Variants in FNIP2 observed in about 807,000 individuals in gnomAD.
FNIP2 encodes the protein folliculin interacting protein 2, also known as folliculin-interacting protein 2.
FNIP2 carries 32 observed loss-of-function variants against 108.7 expected under a neutral mutation model. That is an observed-to-expected ratio of 0.29 (90% confidence interval 0.22 to 0.40). The LOEUF (loss-of-function observed/expected upper bound fraction) is 0.40. FNIP2 is among the 10% of genes least tolerant of loss of function. The pLI is 1.00. For synonymous variants in FNIP2, 480 were observed against 496.7 expected (o/e 0.97, Z 0.45); for missense variants, 1,202 against 1,381.6 (o/e 0.87, Z 2.06).
intron 1 of FNIP2, among the ~76,000 whole-genome samples, chr4:158,817,871 G>A (rs958064672): frequency 6.6e-6 from 1 of 152,190 alleles, no homozygotes; most frequent in Admixed American, 6.5e-5. Flanking sequence ...TAGAGGAGGA[G>A]ACACTGGATT....
intron 1 of FNIP2, among the ~76,000 whole-genome samples, chr4:158,819,843 C>G (rs1777780772): frequency 6.6e-6 from 1 of 152,110 alleles, no homozygotes; most frequent in Admixed American, 6.6e-5. Flanking sequence ...TTGAGCAAAC[C>G]TTTTGAGAGA....
intron 14 of FNIP2, among the ~76,000 whole-genome samples, chr4:158,883,028 C>T (rs1781777839): frequency 6.6e-6 from 1 of 150,900 alleles, no homozygotes; most frequent in Non-Finnish European, 1.5e-5. Flanking sequence ...TTATATATTA[C>T]TCATTTATTA....
chr4:158,831,774 C>G lies in FNIP2; in HGVS notation c.382-87C>G, dbSNP rs1578881822. Reference sequence around the variant, plus strand: ...GAGAAATAGTTTTAATCACCGATGACACTAACGAGATTAATAAACATTATT... The same window carrying G: ...GAGAAATAGTTTTAATCACCGATGAGACTAACGAGATTAATAAACATTATT... On this transcript the variant is annotated intron_variant, in intron 3 of 16. Coordinates refer to ENST00000264433, the MANE Select transcript of FNIP2 (RefSeq NM_020840.3). The G allele has an allele frequency of 3.0e-5, 25 of 828,572 alleles. No individual in the cohort carries two copies. The East Asian group carries it at 5.3e-4, about 18-fold the overall frequency. 51.3% of individuals were successfully genotyped at this position (828,572 alleles called of 1,614,324 possible). A position where few individuals can be genotyped will look rare whatever the true frequency, so the allele number is the denominator to read the frequency against.
intron 7 of FNIP2, among the ~76,000 whole-genome samples, chr4:158,845,050 G>A (rs1410368726): frequency 2.6e-5 from 4 of 152,134 alleles, no homozygotes; most frequent in South Asian, 2.1e-4. Flanking sequence ...TCTGGTGATG[G>A]GACTAGTGTT....
At chr4:158,855,997 T>C (rs1284968890) in intron 8 of FNIP2, among the ~76,000 whole-genome samples, 1 of 152,194 alleles carries the variant, frequency 6.6e-6, no homozygotes, top group African/African-American at 2.4e-5. Context: ...TAAAATAGAA[T>C]GAATGTTTTC....
chr4:158,868,683 T>G lies in FNIP2; in HGVS notation c.2047T>G (p.Cys683Gly). 1 of 1,614,038 alleles carries G rather than the reference T, an allele frequency of 6.2e-7. No homozygotes were observed. The highest frequency in any genetic ancestry group is 8.5e-7 in the Non-Finnish European group (1 of 1,179,896). ...AGMKMDQQAVCELLKVEMPTR... is the reference protein window; with the variant it reads ...AGMKMDQQAVGELLKVEMPTR... ...AATGAAGATGGACCAGCAAGCTGTC[T>G]GTGAGCTGTTGAAAGTGGAGATGCC... is the stretch of plus-strand genomic sequence containing the variant. The change falls in exon 13 of 17, where the codon TGT becomes GGT. Residue 683 changes from cysteine (C) to glycine (G), a missense_variant. Cys to Gly is a radical substitution (Grantham distance 159). This residue lies in a region of FNIP2 where 878 missense variants were observed against 990.3 expected (regional missense o/e 0.89). Transcript: ENST00000264433. The surrounding 1 kb of genome is among the most constrained non-coding windows in gnomAD (Gnocchi z 4.6).
In FNIP2 at chr4:158,874,099, G is replaced by A. The variant is rs766699444; in HGVS notation, c.2949+3630G>A. On this transcript the variant is annotated intron_variant, in intron 14 of 16. Transcript: ENST00000264433. ...AGTTTGAGTCCTGGTATTACCACTC[G>A]TTTGTTGATAATCTTAGGTAAATAA... Among the ~76,000 whole-genome samples the A allele has an allele frequency of 7.2e-5, 11 of 152,158 alleles. No homozygotes were observed. The South Asian group carries it at 8.3e-4, about 11-fold the overall frequency.
intron 1 of FNIP2, among the ~76,000 whole-genome samples, 192 bp downstream of exon 1, chr4:158,769,511 C>T (rs1409779853): frequency 6.6e-6 from 1 of 152,136 alleles, no homozygotes; most frequent in African/African-American, 2.4e-5. Flanking sequence ...GTGACCCTTC[C>T]TCCCGCTCTT....
At chr4:158,883,483 C>T (rs575805061) in intron 14 of FNIP2, among the ~76,000 whole-genome samples, 66 of 152,278 alleles carry the variant, frequency 4.3e-4, no homozygotes, top group South Asian at 3.1e-3. Flanking sequence ...CCTTGTGATC[C>T]GCCCACCTCA....
intron 1 of FNIP2, among the ~76,000 whole-genome samples, chr4:158,774,953 G>A (rs911282010): frequency 5.3e-5 from 8 of 152,128 alleles, no homozygotes; most frequent in Admixed American, 6.5e-5. Flanking sequence ...AGAGATGGAC[G>A]GAGGCATGTG....
At chr4:158,779,633 A>G (rs2126417447) in intron 1 of FNIP2, among the ~76,000 whole-genome samples, 1 of 151,272 alleles carries the variant, frequency 6.6e-6, no homozygotes, top group South Asian at 2.1e-4. Flanking sequence ...GCAGTGGTAC[A>G]ATCACAGTTC....
chr4:158,887,561 A>T (rs1046145954), intron 14 of FNIP2, among the ~76,000 whole-genome samples: 1 of 151,804 alleles, frequency 6.6e-6, no homozygotes, highest in Non-Finnish European at 1.5e-5. Context: ...ACATGGTGAA[A>T]CCCCGTCTCT....
chr4:158,856,931 C>T (rs989042579), intron 8 of FNIP2, among the ~76,000 whole-genome samples: 7 of 152,150 alleles, frequency 4.6e-5, no homozygotes, highest in Non-Finnish European at 1.0e-4. Flanking sequence ...ATTTATTCCA[C>T]GTTGCATGGT....
chr4:158,845,408 G>A (rs1357356792), intron 7 of FNIP2, among the ~76,000 whole-genome samples: 1 of 152,184 alleles, frequency 6.6e-6, no homozygotes, highest in African/African-American at 2.4e-5. Flanking sequence ...CCATGTTGCT[G>A]TCTTGTCTTT....
intron 12 of FNIP2, among the ~76,000 whole-genome samples, chr4:158,864,355 G>A (rs1560812292): frequency 6.6e-6 from 1 of 152,136 alleles, no homozygotes; most frequent in South Asian, 2.1e-4. Context: ...TAACCCACAA[G>A]CCAAACAAAT....
At chr4:158,841,691 G>A (rs752871466) in intron 7 of FNIP2, among the ~76,000 whole-genome samples, 4 of 152,176 alleles carry the variant, frequency 2.6e-5, no homozygotes, top group African/African-American at 7.2e-5. Flanking sequence ...TAACTTCCCC[G>A]GGAGGCTGTC....
At chr4:158,770,687 C>T (rs1209388977) in intron 1 of FNIP2, among the ~76,000 whole-genome samples, 1 of 152,100 alleles carries the variant, frequency 6.6e-6, no homozygotes, top group African/African-American at 2.4e-5. Flanking sequence ...TTTTGTTAGG[C>T]TGAGTATTAG....
chr4:158,874,460 C>T (rs1323878631), intron 14 of FNIP2, among the ~76,000 whole-genome samples: 1 of 119,668 alleles, frequency 8.4e-6, no homozygotes, highest in African/African-American at 3.2e-5. Context: ...TTTGAGATCA[C>T]CCTGGGCAAT....
intron 1 of FNIP2, among the ~76,000 whole-genome samples, chr4:158,804,238 G>C (rs1405818640): frequency 2.0e-5 from 3 of 151,982 alleles, no homozygotes; most frequent in Non-Finnish European, 4.4e-5. Context: ...CACCGCACCT[G>C]GCCCATATCA....
Sources: allele counts gnomAD v4.1 joint callset (sites outside exome capture counted in the v4.1 genomes callset), GRCh38; gene constraint gnomAD v4.1.1; regional missense constraint gnomAD v4.1.1; non-coding constraint Gnocchi (gnomAD v3.1); transcripts MANE v1.5; gene names NCBI Gene and HGNC (gene_info 2026-07-23, HGNC 2026-07-21).